The following CTBP1 variants were observed in gnomAD, a reference collection of about 807,000 sequenced individuals.
The protein encoded by CTBP1 is C-terminal binding protein 1, also known as C-terminal-binding protein 1.
A neutral mutation model predicts 42.1 loss-of-function variants in CTBP1; 11 were observed. The observed-to-expected ratio is 0.26, with a 90% CI of 0.16 to 0.43. CTBP1 has a LOEUF of 0.43. CTBP1 is among the 20% of genes least tolerant of loss of function. The pLI is 1.00. For synonymous variants in CTBP1, 324 were observed against 277.1 expected (o/e 1.17, Z -1.68); for missense variants, 399 against 624.3 (o/e 0.64, Z 3.85).
At chr4:1,244,662 G>C in intron 1 of CTBP1, 1 of 985,388 alleles carries the variant, frequency 1.0e-6, no homozygotes, top group East Asian at 1.1e-4. Context: ...CCGACCACCA[G>C]AAGGGCACCC....
At chr4:1,250,134 G>C (rs1733185170), upstream of CTBP1, 1 of 166,234 alleles carries the variant, frequency 6.0e-6, no homozygotes, top group South Asian at 1.3e-4. Context: ...GAGACGGAAT[G>C]ATGCAGACTC....
chr4:1,225,903 C>T (rs922439071), intron 4 of CTBP1, among the ~76,000 whole-genome samples: 23 of 151,976 alleles, frequency 1.5e-4, no homozygotes, highest in Admixed American at 1.0e-3. Flanking sequence ...TGTCTCCCCG[C>T]GTCACCTCGC....
chr4:1,241,740 G>A lies in CTBP1; in HGVS notation c.-188-221C>T, dbSNP rs376751853. On this transcript the variant is annotated intron_variant, in intron 1 of 9. Coordinates refer to ENST00000382952, the MANE Select transcript of CTBP1 (RefSeq NM_001012614.2). The stretch of plus-strand genomic sequence containing the variant: ...ACCCTGAGGTTGCAGTGCCAGGCCC[G>A]AGGCCGCGCCCCTGTGGCCCCGAGG... The A allele has an allele frequency of 8.2e-4, 988 of 1,200,244 alleles. 28 individuals carry two copies. The South Asian group carries it at 0.014, about 17-fold the overall frequency. The allele number at this position is 1,200,244 out of a possible 1,614,324, so 74.3% of individuals were successfully genotyped here. A position where few individuals can be genotyped will look rare whatever the true frequency, so the allele number is the denominator to read the frequency against.
At chr4:1,226,789 G>A (rs1293823391) in intron 4 of CTBP1, among the ~76,000 whole-genome samples, 4 of 151,670 alleles carry the variant, frequency 2.6e-5, no homozygotes, top group Non-Finnish European at 4.4e-5. Context: ...AGACAAAGGC[G>A]GGAGGAGGCT....
rs1208310722 is a variant in CTBP1 at position 1,232,167 on chromosome 4, TG to T, written c.163-3825del. Reference sequence around the variant, plus strand: ...GAAGCGATCCTCTGGCCTTGGCCTCTGGATACGCTGGGATGACAGGCACAGC... The same window carrying T: ...GAAGCGATCCTCTGGCCTTGGCCTCTGATACGCTGGGATGACAGGCACAGC... On this transcript the variant is annotated intron_variant, in intron 3 of 9. Transcript: ENST00000382952. Among the ~76,000 whole-genome samples the T allele has an allele frequency of 9.2e-5, 14 of 152,370 alleles. 1 individual carries two copies. Among genetic ancestry groups the T allele is most frequent in the East Asian group, 1.9e-4 (1 of 5,194 alleles).
intron 1 of CTBP1, among the ~76,000 whole-genome samples, chr4:1,246,844 A>G (rs1465901893): frequency 1.5e-5 from 2 of 137,284 alleles, no homozygotes; most frequent in Admixed American, 7.1e-5. Flanking sequence ...TCCTCCAGAA[A>G]AAATTTATTA....
chr4:1,219,572 T>C (rs767867585), intron 5 of CTBP1, among the ~76,000 whole-genome samples: 21 of 152,198 alleles, frequency 1.4e-4, no homozygotes, highest in Non-Finnish European at 2.9e-4. Context: ...CTGCTGCTGA[T>C]GATTGTAGCT....
At chr4:1,229,190 G>A (rs947004196) in intron 3 of CTBP1, among the ~76,000 whole-genome samples, 1 of 152,212 alleles carries the variant, frequency 6.6e-6, no homozygotes, top group African/African-American at 2.4e-5. Context: ...AGTGTGGGGT[G>A]CAGAGGCACA....
chr4:1,239,138 C>T (rs751917480), intron 2 of CTBP1, among the ~76,000 whole-genome samples: 1 of 152,262 alleles, frequency 6.6e-6, no homozygotes, highest in African/African-American at 2.4e-5. Flanking sequence ...GATTAAAGCT[C>T]ATTAACACCC....
intron 1 of CTBP1, among the ~76,000 whole-genome samples, chr4:1,248,455 GA>G (rs1319917633): frequency 1.3e-5 from 2 of 150,332 alleles, no homozygotes; most frequent in African/African-American, 4.9e-5. Context: ...AGTGGCCCGG[GA>G]GCGCGCGCCC....
intron 1 of CTBP1, chr4:1,242,970 C>T (rs965279807): frequency 9.1e-5 from 90 of 984,676 alleles, no homozygotes; most frequent in Admixed American, 1.2e-4. Context: ...TACTCATCAA[C>T]GCCAACCGAT....
chr4:1,243,113 G>C, intron 1 of CTBP1: 1 of 985,392 alleles, frequency 1.0e-6, no homozygotes, highest in Non-Finnish European at 1.2e-6. Flanking sequence ...GCCCAGTACC[G>C]GCTGCTGCTC....
At chr4:1,225,202 C>T (rs1053865181) in intron 5 of CTBP1, 158 bp downstream of exon 5, 57 of 840,220 alleles carry the variant, frequency 6.8e-5, no homozygotes, top group Middle Eastern at 3.6e-4. Flanking sequence ...CTGGGACTCC[C>T]GGGCCCTGGT....
At chr4:1,225,328 G>A in intron 5 of CTBP1, 32 bp downstream of exon 5, 1 of 1,524,492 alleles carries the variant, frequency 6.6e-7, no homozygotes, top group Non-Finnish European at 8.8e-7. Flanking sequence ...GACACAGGGA[G>A]GGACACAGGC....
In CTBP1 at chr4:1,213,211, G is replaced by A. The variant is rs553900310; in HGVS notation, c.989-181C>T. 1.4e-4 allele frequency among the ~76,000 whole-genome samples: 22 copies of A among 152,118 alleles called. No individual in the cohort carries two copies. The East Asian group carries it at 4.1e-3, about 28-fold the overall frequency. On this transcript the variant is annotated intron_variant, in intron 8 of 9. Transcript: ENST00000382952. ...GGCACTGGCACCCTTGCAGCGTGGGGACCCCCAGCCCAGAGCACGTGCCCA... is the reference window on the plus strand; with the variant it reads ...GGCACTGGCACCCTTGCAGCGTGGGAACCCCCAGCCCAGAGCACGTGCCCA...
chr4:1,243,682 G>C, intron 1 of CTBP1: 1 of 985,448 alleles, frequency 1.0e-6, no homozygotes, highest in African/African-American at 1.7e-5. Context: ...CCTCACGCCA[G>C]GGAGCTGGCC....
chr4:1,230,429 C>T (rs1450106228), intron 3 of CTBP1, among the ~76,000 whole-genome samples: 1 of 152,198 alleles, frequency 6.6e-6, no homozygotes, highest in Non-Finnish European at 1.5e-5. Context: ...TTCGTCGGCA[C>T]CCACTGTGGG....
At chr4:1,243,924 G>T in intron 1 of CTBP1, 1 of 985,346 alleles carries the variant, frequency 1.0e-6, no homozygotes, top group Non-Finnish European at 1.2e-6. Flanking sequence ...CATGTTGTAA[G>T]AAAGCACTCA....
At chr4:1,226,843 G>C (rs1049804694) in intron 4 of CTBP1, among the ~76,000 whole-genome samples, 5 of 151,632 alleles carry the variant, frequency 3.3e-5, no homozygotes, top group Non-Finnish European at 7.4e-5. Flanking sequence ...AGCAGCTGAA[G>C]CCAGTGCAGG....
Sources: allele counts gnomAD v4.1 joint callset (sites outside exome capture counted in the v4.1 genomes callset), GRCh38; gene constraint gnomAD v4.1.1; transcripts MANE v1.5; gene names NCBI Gene and HGNC (gene_info 2026-07-23, HGNC 2026-07-21).